The following KNL1 variants were observed in gnomAD, a reference collection of about 807,000 sequenced individuals.
KNL1 encodes the protein kinetochore scaffold 1, also known as outer kinetochore KNL1 complex subunit KNL1.
A neutral mutation model predicts 201.3 loss-of-function variants in KNL1; 66 were observed. That is an observed-to-expected ratio of 0.33 (90% confidence interval 0.27 to 0.40). The LOEUF (loss-of-function observed/expected upper bound fraction) is 0.40. Among genes scored for constraint, KNL1 ranks in the 10% least tolerant of loss-of-function variants. The pLI is 1.00. For missense variants in KNL1, 2,815 were observed against 2,690.5 expected (o/e 1.05, Z -1.02); for synonymous variants, 895 against 899.2 (o/e 1.00, Z 0.08).
intron 21 of KNL1, among the ~76,000 whole-genome samples, chr15:40,653,393 G>T (rs1052528390): frequency 6.6e-6 from 1 of 152,014 alleles, no homozygotes; most frequent in Non-Finnish European, 1.5e-5. Flanking sequence ...TTCACCATAT[G>T]TGTTGTCCAG....
chr15:40,637,493 G>A (rs1274819193), intron 13 of KNL1, among the ~76,000 whole-genome samples: 2 of 151,994 alleles, frequency 1.3e-5, no homozygotes, highest in African/African-American at 2.4e-5. Flanking sequence ...TCCAGGTTGA[G>A]CATCCCTAAT....
In KNL1 at chr15:40,664,032, G is replaced by A. The variant is rs1398157273; in HGVS notation, c.*1844G>A. The A allele has an allele frequency of 5.4e-6, 1 of 184,830 alleles. No individual in the cohort carries two copies. The highest frequency in any genetic ancestry group is 8.8e-5 in the East Asian group (1 of 11,396). The allele number at this position is 184,830 out of a possible 1,614,324, so 11.4% of individuals were successfully genotyped here. A position where few individuals can be genotyped will look rare whatever the true frequency, so the allele number is the denominator to read the frequency against. ...AAAAACATTTTAAAGTCATCAATAT[G>A]ATCTGTTTCCCATGAAACTTAAGTT... On this transcript the variant is annotated 3_prime_UTR_variant, in exon 26 of 26. Coordinates refer to ENST00000399668, the MANE Select transcript of KNL1 (RefSeq NM_144508.5).
rs1892610113 is a variant in KNL1 at position 40,623,264 on chromosome 15, A to G, written c.3000A>G (p.Pro1000=). The G allele has an allele frequency of 6.2e-7, 1 of 1,613,792 alleles. No individual in the cohort carries two copies. The highest frequency in any genetic ancestry group is 1.3e-5 in the African/African-American group (1 of 74,940). ...CTACTGAGGAGAGTGTTTTCTTTCC[A>G]GGAAATGGTGAAAGTGACCGTCTAG... ...CTPTEESVFF[P]GNGESDRLVA... The change falls in exon 10 of 26, where the codon CCA becomes CCG. Residue 1000 remains proline, a synonymous_variant. Transcript: ENST00000399668.
chr15:40,622,955 A>G lies in KNL1; in HGVS notation c.2691A>G (p.Pro897=), dbSNP rs552354305. ...LLEKRDCHLV[P]LAGTSETILY... ...AGAAACGTGATTGTCATTTGGTGCC[A>G]TTGGCAGGAACTTCTGAAACTATTT... is the stretch of plus-strand genomic sequence containing the variant. Residue 897 remains proline (P), a synonymous_variant, in exon 10 of 26, where the codon CCA becomes CCG. Transcript: ENST00000399668. The G allele has an allele frequency of 1.4e-5, 22 of 1,613,768 alleles. No individual in the cohort carries two copies. In the Admixed American group the frequency reaches 2.7e-4, roughly 20 times the overall value.
At position 40,625,275 on chromosome 15, in the gene KNL1, C is replaced by G. The variant is rs761876985; in HGVS notation, c.5011C>G (p.Leu1671Val). ...TTGTAGTGTCACTGGTATTGATGAC[C>G]TGGAACAGATTCCAGCAGACACAAC... ...RNCSVTGIDD[L>V]EQIPADTTDI... The change falls in exon 10 of 26, where the codon CTG (leucine) becomes GTG (valine). Residue 1671 changes from leucine (L) to valine (V), a missense_variant. This residue lies in a region of KNL1 where 2,464 missense variants were observed against 2,291.7 expected (regional missense o/e 1.08). Transcript: ENST00000399668. 24 of 1,613,948 alleles carry G rather than the reference C, an allele frequency of 1.5e-5. No homozygotes were observed. Among genetic ancestry groups the G allele is most frequent in the Non-Finnish European group, 1.9e-5 (23 of 1,179,988 alleles).
rs1239331749 is a variant in KNL1, at chr15:40,622,288, G to A, written c.2024G>A (p.Cys675Tyr). 2.5e-6 allele frequency: 4 copies of A among 1,613,858 alleles called. No homozygotes were observed. In the Admixed American group the frequency reaches 6.7e-5, roughly 27 times the overall value. Residue 675 changes from cysteine to tyrosine, a missense_variant, in exon 10 of 26, where the codon TGT (cysteine) becomes TAT (tyrosine). Physicochemically the swap from Cys to Tyr is radical, Grantham distance 194 (BLOSUM62 -2). Coordinates refer to ENST00000399668, the MANE Select transcript of KNL1 (RefSeq NM_144508.5). ...GCAACAAGCCATAATATAGTCTACT[G>A]TGGTGGAGTTCTTGATAAACAAATA... is the stretch of plus-strand genomic sequence containing the variant. ...EIATSHNIVY[C>Y]GGVLDKQITN...
rs145925841 is a variant in KNL1, at chr15:40,608,704, C to T, written c.136-143C>T. The T allele has an allele frequency of 2.0e-3, 1,108 of 550,696 alleles. 18 individuals are homozygous for T. The East Asian group carries it at 0.026, about 13-fold the overall frequency. 34.1% of individuals were successfully genotyped at this position (550,696 alleles called of 1,614,324 possible). On this transcript the variant is annotated intron_variant, in intron 4 of 25. Coordinates refer to ENST00000399668, the MANE Select transcript of KNL1 (RefSeq NM_144508.5). ...AGGCTGTGGTGAGCCAAGATCACAC[C>T]GTTGCACTCCAGTCTGGGCAACAAG...
chr15:40,629,215 G>T (rs1892833870), intron 12 of KNL1, 58 bp from the exon 13 acceptor site: 1 of 928,174 alleles, frequency 1.1e-6, no homozygotes, highest in Non-Finnish European at 1.7e-6. Context: ...AAATGAAGTG[G>T]TTATATCAAA....
chr15:40,620,834 C>T lies in KNL1; in HGVS notation c.570C>T (p.Thr190=), dbSNP rs762864730. The change falls in exon 10 of 26, where the codon ACC becomes ACT. Residue 190 remains threonine (T), a synonymous_variant. Transcript: ENST00000399668. Reference sequence around the variant, plus strand: ...TTCTAGCTAATTTAAAGCTTCACACCGAGGACTCAAGAATGAAAAAAGAAG... The same window carrying T: ...TTCTAGCTAATTTAAAGCTTCACACTGAGGACTCAAGAATGAAAAAAGAAG... ...TSFLANLKLH[T]EDSRMKKEVN... 28 of 1,601,580 alleles carry T rather than the reference C, an allele frequency of 1.7e-5. No homozygotes were observed. The highest frequency in any genetic ancestry group is 4.5e-5 in the East Asian group (2 of 44,764).
At chr15:40,606,244 A>T (rs1237018669) in intron 3 of KNL1, 149 bp from the exon 4 acceptor site, 1 of 550,264 alleles carries the variant, frequency 1.8e-6, no homozygotes, top group Non-Finnish European at 3.4e-6. Context: ...TAAATCTGCC[A>T]CACGGTATAG....
intron 7 of KNL1, among the ~76,000 whole-genome samples, chr15:40,613,276 C>T (rs147182204): frequency 1.3e-5 from 2 of 151,878 alleles, no homozygotes; most frequent in East Asian, 1.9e-4. Flanking sequence ...TGTATCTTCT[C>T]GTGTGTGTAC....
At chr15:40,650,427 G>C (rs759677706) in intron 18 of KNL1, 49 bp downstream of exon 18, 7 of 1,570,174 alleles carry the variant, frequency 4.5e-6, no homozygotes, top group Non-Finnish European at 6.1e-6. Context: ...AAGCCCTTCT[G>C]TTCTGAGTTT....
chr15:40,597,269 G>A (rs1403312812), intron 1 of KNL1, among the ~76,000 whole-genome samples: 1 of 151,344 alleles, frequency 6.6e-6, no homozygotes, highest in African/African-American at 2.4e-5. Flanking sequence ...TTTTCTTTTC[G>A]AGACAGAGTC....
At chr15:40,605,184 CT>C in intron 3 of KNL1, 35 bp downstream of exon 3, 1 of 1,207,388 alleles carries the variant, frequency 8.3e-7, no homozygotes, top group Non-Finnish European at 1.2e-6. Context: ...TAATTGTCAG[CT>C]TTTATTTAAT....
rs1180558544 is a variant in KNL1 at position 40,619,379 on chromosome 15, T to TAGGCTAATATA, written c.375+368_375+369insAGGCTAATATA. On this transcript the variant is annotated intron_variant, in intron 9 of 25. Transcript: ENST00000399668. Reference sequence around the variant, plus strand: ...TAATATATATATATATATATATATTTTAGGCTATCTCCTACAAGAAGGATT... The same window carrying TAGGCTAATATA: ...TAATATATATATATATATATATATTTAGGCTAATATATAGGCTATCTCCTACAAGAAGGATT... Among the ~76,000 whole-genome samples, 40 of 150,586 alleles carry TAGGCTAATATA rather than the reference T, an allele frequency of 2.7e-4. No homozygotes were observed. In the East Asian group the frequency reaches 6.4e-3, roughly 24 times the overall value.
intron 16 of KNL1, 177 bp from the exon 17 acceptor site, chr15:40,646,810 T>C (rs1893399276): frequency 1.6e-5 from 6 of 370,860 alleles, no homozygotes; most frequent in Non-Finnish European, 2.8e-5. Context: ...TGAGCCCAGA[T>C]GGCGCCACTG....
intron 13 of KNL1, among the ~76,000 whole-genome samples, chr15:40,634,379 A>G (rs1200174956): frequency 6.6e-6 from 1 of 152,232 alleles, no homozygotes; most frequent in East Asian, 1.9e-4. Context: ...TGCTGGGATT[A>G]CAGGCATGAG....
At chr15:40,634,589 G>A (rs1024787930) in intron 13 of KNL1, among the ~76,000 whole-genome samples, 1 of 152,190 alleles carries the variant, frequency 6.6e-6, no homozygotes, top group Non-Finnish European at 1.5e-5. Context: ...TTGGGCCTCA[G>A]CCTCATTACC....
intron 10 of KNL1, 57 bp downstream of exon 10, chr15:40,625,697 CTTAAA>C (rs749393434): frequency 7.2e-7 from 1 of 1,389,656 alleles, no homozygotes; most frequent in South Asian, 1.3e-5. Flanking sequence ...GTTTTGTTTT[CTTAAA>C]TTGTGGGTAT....
Sources: allele counts gnomAD v4.1 joint callset (sites outside exome capture counted in the v4.1 genomes callset), GRCh38; gene constraint gnomAD v4.1.1; regional missense constraint gnomAD v4.1.1; transcripts MANE v1.5; gene names NCBI Gene and HGNC (gene_info 2026-07-23, HGNC 2026-07-21).